The following DOCK2 variants were observed in gnomAD, a reference collection of about 807,000 sequenced individuals.
The protein encoded by DOCK2 is dedicator of cytokinesis protein 2.
DOCK2 carries 87 observed loss-of-function variants against 248.9 expected under a neutral mutation model. The ratio of observed to expected loss-of-function variants is 0.35; its 90% confidence interval spans 0.29 to 0.42. The LOEUF is 0.42. DOCK2 is among the 10% of genes least tolerant of loss of function. The pLI is 1.00. For synonymous variants in DOCK2, 805 were observed against 821.6 expected, an observed-to-expected ratio of 0.98 and a Z score of 0.35; for missense variants, 1,747 against 2,300.2, an observed-to-expected ratio of 0.76 and a Z score of 4.92.
At chr5:169,961,377 G>A (rs1004203033) in intron 27 of DOCK2, among the ~76,000 whole-genome samples, 5 of 152,222 alleles carry the variant, frequency 3.3e-5, no homozygotes, top group African/African-American at 1.2e-4. Context: ...GTCTTGCCTT[G>A]CATCAGGGGA....
chr5:169,964,556 G>T (rs536087225), intron 27 of DOCK2, among the ~76,000 whole-genome samples: 40 of 152,322 alleles, frequency 2.6e-4, no homozygotes, highest in Admixed American at 1.0e-3. Flanking sequence ...CGCCTGGAGG[G>T]CTTCCTTTTG....
chr5:169,729,505 A>G (rs1030101629), intron 22 of DOCK2, among the ~76,000 whole-genome samples: 4 of 152,144 alleles, frequency 2.6e-5, no homozygotes, highest in African/African-American at 9.7e-5. Context: ...TACAGGAGAG[A>G]CATATAGCCT....
chr5:169,970,672 A>T (rs1035486024), intron 27 of DOCK2, among the ~76,000 whole-genome samples: 7 of 152,192 alleles, frequency 4.6e-5, no homozygotes, highest in Admixed American at 4.6e-4. Flanking sequence ...CTTTGATTAG[A>T]CTTTTGCTGG....
At chr5:169,862,362 G>A (rs886848191) in intron 27 of DOCK2, among the ~76,000 whole-genome samples, 5 of 152,132 alleles carry the variant, frequency 3.3e-5, no homozygotes, top group African/African-American at 7.2e-5. Flanking sequence ...TGAAATTAGC[G>A]TAAGCAAAGC....
Position 169,863,160 on chromosome 5 carries a change from T to C in DOCK2, c.2799+22308T>C, listed in dbSNP as rs182755031. Among the ~76,000 whole-genome samples, 8 of 152,332 alleles carry C rather than the reference T, an allele frequency of 5.3e-5. No individual in the cohort carries two copies. In the East Asian group the frequency reaches 1.2e-3, roughly 22 times the overall value. ...CAGAATGAGCCAGACCTTGAATAAC[T>C]CAGACTTTGGGATGGAAAGATATTT... On this transcript the variant is annotated intron_variant, in intron 27 of 51. Transcript: ENST00000520908.
chr5:169,692,461 T>C (rs189995331), intron 9 of DOCK2, among the ~76,000 whole-genome samples: 1 of 151,666 alleles, frequency 6.6e-6, no homozygotes, highest in East Asian at 1.9e-4. Flanking sequence ...GAGAATATAA[T>C]GTGAATATAG....
At chr5:169,701,856 T>A (rs1760988286) in intron 13 of DOCK2, among the ~76,000 whole-genome samples, 1 of 152,186 alleles carries the variant, frequency 6.6e-6, no homozygotes, top group Non-Finnish European at 1.5e-5. Flanking sequence ...CTGAAGATCC[T>A]CTGCAGCTCC....
intron 25 of DOCK2, among the ~76,000 whole-genome samples, chr5:169,797,921 G>A (rs190876769): frequency 2.0e-5 from 3 of 152,276 alleles, no homozygotes; most frequent in African/African-American, 2.4e-5. Context: ...CTACAAACAG[G>A]AGCCAGACAT....
intron 46 of DOCK2, among the ~76,000 whole-genome samples, chr5:170,073,600 TTTCTCTCAGCAAAATTTTGTGG>T (rs1280060098): frequency 7.2e-5 from 11 of 152,334 alleles, no homozygotes; most frequent in Admixed American, 5.2e-4. Context: ...AGTTCTTTAA[TTTCTCTCAGCAAAATTTTGTGG>T]TTTTCACATA....
chr5:170,044,723 C>A (rs750594861), intron 38 of DOCK2, among the ~76,000 whole-genome samples: 2 of 152,146 alleles, frequency 1.3e-5, no homozygotes, highest in Non-Finnish European at 2.9e-5. Context: ...CTTCTCCACT[C>A]GGCACTTGGT....
chr5:169,724,674 G>A (rs937801248), intron 22 of DOCK2, among the ~76,000 whole-genome samples: 2 of 152,154 alleles, frequency 1.3e-5, no homozygotes, highest in African/African-American at 4.8e-5. Flanking sequence ...AGGGCCAGAC[G>A]TGATTGCCCT....
At chr5:169,842,223 A>G (rs1770021806) in intron 27 of DOCK2, among the ~76,000 whole-genome samples, 1 of 152,236 alleles carries the variant, frequency 6.6e-6, no homozygotes, top group Non-Finnish European at 1.5e-5. Flanking sequence ...TGCTTTACAC[A>G]GTGGTGACAT....
At chr5:169,841,380 A>T in intron 27 of DOCK2, 1 of 987,414 alleles carries the variant, frequency 1.0e-6, no homozygotes, top group Non-Finnish European at 1.2e-6. Flanking sequence ...TCATCTGATT[A>T]TTTTTCTTCT....
intron 14 of DOCK2, among the ~76,000 whole-genome samples, chr5:169,705,698 C>T (rs752360025): frequency 2.0e-5 from 3 of 152,204 alleles, no homozygotes; most frequent in Non-Finnish European, 4.4e-5. Flanking sequence ...ATCGACATCC[C>T]ATGATGTGGT....
Position 170,070,196 on chromosome 5 carries a change from G to T in DOCK2, c.4728+976G>T, listed in dbSNP as rs1327104682. Among the ~76,000 whole-genome samples the T allele has an allele frequency of 2.0e-5, 3 of 152,396 alleles. No individual in the cohort carries two copies. The East Asian group carries it at 5.8e-4, about 29-fold the overall frequency. On this transcript the variant is annotated intron_variant, in intron 46 of 51. Transcript: ENST00000520908. ...AGGAGCTGGCGGGAGGTGAGCAGTG[G>T]ATGCAGGGGCAGGTGGTAGCAGCTT...
chr5:169,892,653 G>A (rs1380060370), intron 27 of DOCK2, among the ~76,000 whole-genome samples: 5 of 152,164 alleles, frequency 3.3e-5, no homozygotes, highest in African/African-American at 1.2e-4. Flanking sequence ...GACACCCAGG[G>A]AGATATGACT....
At chr5:169,829,141 CTTG>C (rs1204081555) in intron 26 of DOCK2, among the ~76,000 whole-genome samples, 4 of 151,540 alleles carry the variant, frequency 2.6e-5, no homozygotes, top group African/African-American at 9.7e-5. Context: ...AGGGAGGGAG[CTTG>C]TTGTGAAGCT....
chr5:169,863,973 G>A (rs567266380), intron 27 of DOCK2, among the ~76,000 whole-genome samples: 15 of 152,286 alleles, frequency 9.8e-5, no homozygotes, highest in Middle Eastern at 3.4e-3. Context: ...GGTTTTGCTC[G>A]TGGTGGGAAT....
chr5:170,040,972 G>A (rs1756494304), intron 36 of DOCK2, 83 bp from the exon 37 acceptor site: 2 of 1,261,316 alleles, frequency 1.6e-6, no homozygotes, highest in Non-Finnish European at 2.3e-6. Context: ...GTGCCCAGTT[G>A]TTCTCTGGGC....
Sources: allele counts gnomAD v4.1 joint callset (sites outside exome capture counted in the v4.1 genomes callset), GRCh38; gene constraint gnomAD v4.1.1; transcripts MANE v1.5; gene names NCBI Gene and HGNC (gene_info 2026-07-23, HGNC 2026-07-21).